Variants in EML6 observed in about 807,000 individuals in gnomAD.
EML6 encodes the protein EMAP like 6, also known as echinoderm microtubule-associated protein-like 6.
A neutral mutation model predicts 240.1 loss-of-function variants in EML6; 154 were observed. That is an observed-to-expected ratio of 0.64 (90% CI 0.56 to 0.73). EML6 has a LOEUF of 0.73. EML6 is among the 30% of genes least tolerant of loss of function. EML6 has a pLI of 0.00. For synonymous variants in EML6, 1,148 were observed against 899.0 expected, an observed-to-expected ratio of 1.28 and a Z score of -4.95; for missense variants, 2,964 against 2,474.6, an observed-to-expected ratio of 1.20 and a Z score of -4.20.
At chr2:54,733,702 A>G (rs1042423986) in intron 2 of EML6, among the ~76,000 whole-genome samples, 1 of 152,150 alleles carries the variant, frequency 6.6e-6, no homozygotes, top group African/African-American at 2.4e-5. Context: ...TCTTGGTCCT[A>G]CAGTACCAAC....
chr2:54,763,152 T>C (rs1167248074), intron 2 of EML6, among the ~76,000 whole-genome samples: 1 of 152,226 alleles, frequency 6.6e-6, no homozygotes, highest in African/African-American at 2.4e-5. Context: ...CATAAAATAG[T>C]TTCAGGATTG....
chr2:54,966,398 G>C (rs564328694), intron 38 of EML6, among the ~76,000 whole-genome samples: 2 of 152,334 alleles, frequency 1.3e-5, no homozygotes, highest in East Asian at 1.9e-4. Context: ...CAGGGAGAGA[G>C]GAAGCTGAAC....
intron 17 of EML6, among the ~76,000 whole-genome samples, chr2:54,888,711 G>T (rs1212684112): frequency 6.6e-6 from 1 of 151,750 alleles, no homozygotes; most frequent in Non-Finnish European, 1.5e-5. Context: ...TTTCTTTTTG[G>T]TGCTGAATAA....
At chr2:54,965,436 CAG>C (rs778814703) in intron 38 of EML6, among the ~76,000 whole-genome samples, 1 of 152,196 alleles carries the variant, frequency 6.6e-6, no homozygotes, top group African/African-American at 2.4e-5. Context: ...GCTGCCTAGA[CAG>C]AGCCCATTTC....
At position 54,725,053 on chromosome 2, in the gene EML6, C is replaced by T. The variant is rs900254169; in HGVS notation, c.-9C>T. The stretch of plus-strand genomic sequence containing the variant: ...CGGGGGGGCGGGGGGCGCGCGGGGT[C>T]GGCTTATCATGGCGGATCGGACGGC... On this transcript the variant is annotated 5_prime_UTR_variant, in exon 2 of 42. Coordinates refer to ENST00000356458, the MANE Select transcript of EML6 (RefSeq NM_001039753.4). This position sits in a 1 kb window ranked among gnomAD's most constrained non-coding sequence, Gnocchi z 4.3. 2.8e-5 allele frequency: 42 copies of T among 1,503,804 alleles called. No individual in the cohort carries two copies. In the Admixed American group the frequency reaches 3.1e-4, roughly 11 times the overall value. 93.2% of individuals were successfully genotyped at this position (1,503,804 alleles called of 1,614,324 possible). A position where few individuals can be genotyped will look rare whatever the true frequency, so the allele number is the denominator to read the frequency against.
chr2:54,809,961 A>G (rs907007475), intron 2 of EML6, among the ~76,000 whole-genome samples: 5 of 152,176 alleles, frequency 3.3e-5, no homozygotes, highest in African/African-American at 9.7e-5. Context: ...GGGAAAGGTA[A>G]CAAATAGTAA....
At chr2:54,915,187 C>G (rs1008464675) in intron 25 of EML6, among the ~76,000 whole-genome samples, 7 of 152,194 alleles carry the variant, frequency 4.6e-5, no homozygotes, top group Admixed American at 2.6e-4. Flanking sequence ...ATTTCTGTAG[C>G]TTCCAGCAAG....
At chr2:54,947,223 A>T (rs779422392) in intron 28 of EML6, among the ~76,000 whole-genome samples, 71 of 152,286 alleles carry the variant, frequency 4.7e-4, no homozygotes, top group Non-Finnish European at 9.0e-4. Context: ...TGAAAGTCCC[A>T]CTAAAACAGA....
intron 9 of EML6, among the ~76,000 whole-genome samples, chr2:54,848,942 G>A (rs1367233604): frequency 1.3e-5 from 2 of 151,950 alleles, no homozygotes; most frequent in African/African-American, 4.8e-5. Flanking sequence ...TGCGACAATA[G>A]GTATCAAGCT....
At chr2:54,791,532 C>A (rs1475065999) in intron 2 of EML6, among the ~76,000 whole-genome samples, 12 of 152,094 alleles carry the variant, frequency 7.9e-5, no homozygotes, top group Admixed American at 7.9e-4. Context: ...TCAGTTTGTC[C>A]CCACTTCTAG....
chr2:54,893,910 A>G (rs914291215), intron 19 of EML6, among the ~76,000 whole-genome samples: 1 of 152,192 alleles, frequency 6.6e-6, no homozygotes, highest in African/African-American at 2.4e-5. Context: ...AAAAGATTAA[A>G]GAAGAAGAAA....
At chr2:54,877,822 A>G (rs926906322) in intron 16 of EML6, among the ~76,000 whole-genome samples, 15 of 152,192 alleles carry the variant, frequency 9.9e-5, no homozygotes, top group African/African-American at 3.6e-4. Context: ...CTTGCCTCAT[A>G]CTTCGTAGTG....
chr2:54,966,800 G>C (rs1676768709), intron 38 of EML6, 200 bp from the exon 39 acceptor site: 1 of 414,370 alleles, frequency 2.4e-6, no homozygotes, highest in African/African-American at 2.0e-5. Flanking sequence ...CGAGAAAATG[G>C]ATGAGAAGAA....
intron 7 of EML6, among the ~76,000 whole-genome samples, chr2:54,840,193 G>C (rs542504949): frequency 6.6e-6 from 1 of 152,320 alleles, no homozygotes; most frequent in East Asian, 1.9e-4. Flanking sequence ...TTGGCCTTGA[G>C]AGGCCAGACA....
intron 2 of EML6, among the ~76,000 whole-genome samples, chr2:54,804,255 TA>T (rs1670346578): frequency 6.6e-6 from 1 of 152,232 alleles, no homozygotes; most frequent in African/African-American, 2.4e-5. Flanking sequence ...CATATTTAAT[TA>T]TCCTAAATTA....
chr2:54,794,098 A>G (rs1283682322), intron 2 of EML6, among the ~76,000 whole-genome samples: 9 of 152,036 alleles, frequency 5.9e-5, no homozygotes, highest in African/African-American at 2.2e-4. Flanking sequence ...ATCTCAAATA[A>G]ATCTTATCCC....
chr2:54,796,670 C>G (rs73935220), intron 2 of EML6, among the ~76,000 whole-genome samples: 9,372 of 152,084 alleles, frequency 0.062, 943 homozygotes, highest in African/African-American at 0.21. Flanking sequence ...AAAAGACTTA[C>G]AGAAACAGGG....
intron 28 of EML6, among the ~76,000 whole-genome samples, chr2:54,930,082 C>A (rs1038805736): frequency 6.6e-6 from 1 of 151,998 alleles, no homozygotes; most frequent in Non-Finnish European, 1.5e-5. Context: ...AGTATTCATT[C>A]CTTTGGAAAA....
chr2:54,745,772 C>G (rs1683884754), intron 2 of EML6, among the ~76,000 whole-genome samples: 1 of 152,014 alleles, frequency 6.6e-6, no homozygotes, highest in South Asian at 2.1e-4. Context: ...CAGAGCAAGA[C>G]CCTATCTCAA....
Sources: gnomAD v4.1 joint callset for allele counts (sites outside exome capture counted in the v4.1 genomes callset) on GRCh38, gnomAD v4.1.1 for gene constraint, Gnocchi (gnomAD v3.1) non-coding constraint, MANE v1.5 for transcripts, NCBI Gene and HGNC (gene_info 2026-07-23, HGNC 2026-07-21) for gene names.